The following TOX variants were observed in gnomAD, a reference collection of about 807,000 sequenced individuals.
The protein encoded by TOX is thymocyte selection associated high mobility group box, also known as thymocyte selection-associated high mobility group box protein TOX.
Under a neutral mutation model 53.7 loss-of-function variants are expected in TOX, and 11 were observed. That is an observed-to-expected ratio of 0.20 (90% CI 0.13 to 0.34). TOX has a LOEUF of 0.34. TOX is among the 10% of genes least tolerant of loss of function. The probability of loss-of-function intolerance (pLI) is 1.00; values close to 1 mark genes in which losing one functional copy is unlikely to be tolerated. For synonymous variants in TOX, 225 were observed against 245.3 expected (o/e 0.92, Z 0.77); for missense variants, 570 against 664.6 (o/e 0.86, Z 1.56).
At chr8:58,911,655 G>A (rs144996296) in intron 3 of TOX, among the ~76,000 whole-genome samples, 1 of 152,192 alleles carries the variant, frequency 6.6e-6, no homozygotes, top group African/African-American at 2.4e-5. Context: ...GATGATCAAG[G>A]CATCTCTGAG....
intron 1 of TOX, among the ~76,000 whole-genome samples, chr8:59,003,575 C>T (rs1223080334): frequency 2.0e-5 from 3 of 151,966 alleles, no homozygotes; most frequent in Non-Finnish European, 2.9e-5. Context: ...ATAAAATGTT[C>T]GGATTTTCGG....
At chr8:58,976,047 G>A (rs1813093303) in intron 1 of TOX, among the ~76,000 whole-genome samples, 1 of 149,356 alleles carries the variant, frequency 6.7e-6, no homozygotes, top group Non-Finnish European at 1.5e-5. Flanking sequence ...ACTCTAGCCT[G>A]GAGACAGAGT....
rs796924903 is a variant in TOX, at chr8:59,082,898, C to T, written c.102+35988G>A. Among the ~76,000 whole-genome samples, 4 of 152,080 alleles carry T rather than the reference C, an allele frequency of 2.6e-5. No individual in the cohort carries two copies. In the East Asian group the frequency reaches 5.8e-4, roughly 22 times the overall value. ...CCTTAATCTGAAATTAGAGAAGCAC[C>T]GTATATTTATCCAATTTCATTTCTC... is the stretch of plus-strand genomic sequence containing the variant. On this transcript the variant is annotated intron_variant, in intron 1 of 8. Coordinates refer to ENST00000361421, the MANE Select transcript of TOX (RefSeq NM_014729.3).
rs1554539851 is a variant in TOX, at chr8:59,021,499, T to TATATATATATATATATATATACAC, written c.103-61492_103-61491insGTGTATATATATATATATATATAT. Among the ~76,000 whole-genome samples, 147 of 109,336 alleles carry TATATATATATATATATATATACAC rather than the reference T, an allele frequency of 1.3e-3. 5 individuals carry two copies. Among genetic ancestry groups the TATATATATATATATATATATACAC allele is most frequent in the Middle Eastern group, 4.6e-3 (1 of 218 alleles). 71.7% of individuals were successfully genotyped at this position (109,336 alleles called of 152,430 possible). Reference sequence around the variant, plus strand: ...AAAAAAAAATATATATATATATATATGCACATATATACAATGTCAGATATA... The same window carrying TATATATATATATATATATATACAC: ...AAAAAAAAATATATATATATATATATATATATATATATATATATATACACGCACATATATACAATGTCAGATATA... On this transcript the variant is annotated intron_variant, in intron 1 of 8. Transcript: ENST00000361421.
At chr8:59,062,365 T>C (rs192791330) in intron 1 of TOX, among the ~76,000 whole-genome samples, 2 of 152,334 alleles carry the variant, frequency 1.3e-5, no homozygotes, top group East Asian at 3.9e-4. Context: ...GAATCCGCTT[T>C]AGAGCAAATA....
intron 3 of TOX, among the ~76,000 whole-genome samples, chr8:58,914,114 C>T (rs1422433170): frequency 6.6e-6 from 1 of 152,214 alleles, no homozygotes; most frequent in East Asian, 1.9e-4. Flanking sequence ...GTTCTAAGCA[C>T]TGTGCTGTCA....
chr8:58,960,980 T>G (rs1461536699), intron 1 of TOX, among the ~76,000 whole-genome samples: 1 of 152,214 alleles, frequency 6.6e-6, no homozygotes, highest in African/African-American at 2.4e-5. Context: ...TGGACTAACT[T>G]CAGACATGGG....
At chr8:58,835,886 G>A (rs553246239) in intron 5 of TOX, among the ~76,000 whole-genome samples, 2 of 152,240 alleles carry the variant, frequency 1.3e-5, no homozygotes, top group African/African-American at 4.8e-5. Context: ...AGGCACAAAC[G>A]AGCCTTGAAA....
intron 1 of TOX, among the ~76,000 whole-genome samples, chr8:59,062,642 AGTT>A (rs1804006854): frequency 6.6e-6 from 1 of 152,204 alleles, no homozygotes; most frequent in Non-Finnish European, 1.5e-5. Flanking sequence ...GTCGTTCTAT[AGTT>A]GTTCCCAGTG....
intron 3 of TOX, among the ~76,000 whole-genome samples, chr8:58,926,230 T>C (rs1360194091): frequency 6.6e-6 from 1 of 152,176 alleles, no homozygotes; most frequent in Admixed American, 6.5e-5. Flanking sequence ...GGCTGGGACA[T>C]TCCCTAGGCT....
intron 1 of TOX, among the ~76,000 whole-genome samples, chr8:58,978,219 AG>A (rs137954256): frequency 0.024 from 3,653 of 152,358 alleles, 143 homozygotes; most frequent in African/African-American, 0.083. Context: ...AGATAGTCCC[AG>A]GAAATTCACA....
At chr8:59,008,942 G>T (rs1813845449) in intron 1 of TOX, among the ~76,000 whole-genome samples, 2 of 152,192 alleles carry the variant, frequency 1.3e-5, no homozygotes, top group Admixed American at 1.3e-4. Context: ...GGACCAGGAA[G>T]ATTTCAATAG....
chr8:58,817,019 C>T (rs757325487), intron 6 of TOX, among the ~76,000 whole-genome samples: 16 of 151,998 alleles, frequency 1.1e-4, no homozygotes, highest in Non-Finnish European at 2.2e-4. Flanking sequence ...CCTGGGGTGA[C>T]GGGGACAGGC....
chr8:59,117,581 CTGCGACTCGGTCGCGTGG>C lies in TOX; in HGVS notation c.102+1287_102+1304del, dbSNP rs1212681516. Reference sequence around the variant, plus strand: ...TGTCAACACTGTCCAAGACTCGGAGCTGCGACTCGGTCGCGTGGTGCGGAGTCCAGGGCTGAGAAGGCA... The same window carrying C: ...TGTCAACACTGTCCAAGACTCGGAGCTGCGGAGTCCAGGGCTGAGAAGGCA... On this transcript the variant is annotated intron_variant, in intron 1 of 8. Coordinates refer to ENST00000361421, the MANE Select transcript of TOX (RefSeq NM_014729.3). The surrounding 1 kb of genome is among the most constrained non-coding windows in gnomAD (Gnocchi z 4.6). Among the ~76,000 whole-genome samples, 1 of 152,258 alleles carries C rather than the reference CTGCGACTCGGTCGCGTGG, an allele frequency of 6.6e-6. No homozygotes were observed. The highest frequency in any genetic ancestry group is 6.5e-5 in the Admixed American group (1 of 15,292).
intron 1 of TOX, among the ~76,000 whole-genome samples, chr8:59,060,999 C>G (rs1242659353): frequency 6.6e-6 from 1 of 152,112 alleles, no homozygotes; most frequent in Non-Finnish European, 1.5e-5. Flanking sequence ...AATGTTCTTC[C>G]CTTGTATCAC....
intron 1 of TOX, among the ~76,000 whole-genome samples, chr8:58,963,332 T>TAGAC: frequency 6.6e-6 from 1 of 151,926 alleles, no homozygotes; most frequent in Non-Finnish European, 1.5e-5. Flanking sequence ...GATAGATAGA[T>TAGAC]AGATAGATAG....
At chr8:59,030,638 C>G (rs1814336741) in intron 1 of TOX, among the ~76,000 whole-genome samples, 1 of 152,178 alleles carries the variant, frequency 6.6e-6, no homozygotes, top group South Asian at 2.1e-4. Flanking sequence ...TTGAGCTGTT[C>G]TAGAGTTCCT....
intron 1 of TOX, among the ~76,000 whole-genome samples, chr8:59,106,602 G>A (rs1016088779): frequency 2.0e-5 from 3 of 151,892 alleles, no homozygotes; most frequent in Non-Finnish European, 4.4e-5. Context: ...GCATTTTTTG[G>A]CACGGCTGAC....
chr8:58,994,391 A>AGTGTGTGT (rs34690974), intron 1 of TOX, among the ~76,000 whole-genome samples: 2,150 of 147,024 alleles, frequency 0.015, 29 homozygotes, highest in East Asian at 0.027. Context: ...CAAAATGCCA[A>AGTGTGTGT]GTGTGTGTGT....
Sources: allele counts gnomAD v4.1 joint callset (sites outside exome capture counted in the v4.1 genomes callset), GRCh38; gene constraint gnomAD v4.1.1; non-coding constraint Gnocchi (gnomAD v3.1); transcripts MANE v1.5; gene names NCBI Gene and HGNC (gene_info 2026-07-23, HGNC 2026-07-21).